LRRC3B: variants seen among roughly 807,000 people sequenced by gnomAD.
LRRC3B encodes the protein leucine rich repeat containing 3B.
A neutral mutation model predicts 12.8 loss-of-function variants in LRRC3B; 2 were observed. The observed-to-expected ratio is 0.16, with a 90% CI of 0.06 to 0.49. LRRC3B has a LOEUF of 0.49. LRRC3B is among the 20% of genes least tolerant of loss of function. LRRC3B has a pLI of 0.96. For missense variants in LRRC3B, 189 were observed against 319.4 expected, an observed-to-expected ratio of 0.59 and a Z score of 3.11; for synonymous variants, 132 against 122.0, an observed-to-expected ratio of 1.08 and a Z score of -0.54.
chr3:26,634,922 G>A (rs552358217), intron 1 of LRRC3B, among the ~76,000 whole-genome samples: 47 of 152,290 alleles, frequency 3.1e-4, no homozygotes, highest in African/African-American at 1.1e-3. Flanking sequence ...ATTATAATAC[G>A]TTGAATGTTG....
chr3:26,626,593 G>GT (rs1272773552), intron 1 of LRRC3B, among the ~76,000 whole-genome samples: 5 of 152,146 alleles, frequency 3.3e-5, no homozygotes, highest in South Asian at 2.1e-4. Context: ...CACTCCTGCT[G>GT]TTTTTTTAAC....
chr3:26,652,878 A>T (rs1437774976), intron 1 of LRRC3B, among the ~76,000 whole-genome samples: 1 of 152,148 alleles, frequency 6.6e-6, no homozygotes, highest in African/African-American at 2.4e-5. Flanking sequence ...TTCATTCTGC[A>T]TTCTTCCCTT....
chr3:26,671,350 G>GTATATATATATATATATATATA (rs1161960755), intron 1 of LRRC3B, among the ~76,000 whole-genome samples: 2 of 56,756 alleles, frequency 3.5e-5, no homozygotes, highest in African/African-American at 1.7e-4. Context: ...ATATATGTGT[G>GTATATATATATATATATATATA]TATATATATA....
chr3:26,639,811 T>C (rs1349791432), intron 1 of LRRC3B, among the ~76,000 whole-genome samples: 1 of 152,180 alleles, frequency 6.6e-6, no homozygotes, highest in African/African-American at 2.4e-5. Context: ...CTAATATTTT[T>C]CCAAAAATCT....
chr3:26,693,631 G>A (rs141316682), intron 1 of LRRC3B, among the ~76,000 whole-genome samples: 2 of 152,162 alleles, frequency 1.3e-5, no homozygotes, highest in Non-Finnish European at 2.9e-5. Context: ...AGATGAAAAC[G>A]TTGAGGTCCA....
intron 1 of LRRC3B, among the ~76,000 whole-genome samples, chr3:26,669,314 C>T (rs1699672430): frequency 6.6e-6 from 1 of 152,108 alleles, no homozygotes. Flanking sequence ...GCTTCTAGAA[C>T]AATTCCTTCT....
intron 1 of LRRC3B, among the ~76,000 whole-genome samples, chr3:26,634,103 A>G (rs778186974): frequency 9.2e-5 from 14 of 152,190 alleles, no homozygotes; most frequent in Non-Finnish European, 1.8e-4. Flanking sequence ...TAAGCTCTGC[A>G]ATTGAAATTT....
At chr3:26,636,908 C>A (rs1369749216) in intron 1 of LRRC3B, among the ~76,000 whole-genome samples, 5 of 105,392 alleles carry the variant, frequency 4.7e-5, no homozygotes, top group Admixed American at 1.0e-4. Context: ...CTCTCTTTCT[C>A]TCTTTCTCTC....
rs1444587346 is a variant in LRRC3B, at chr3:26,698,988, C to T, written c.-160-10525C>T. On this transcript the variant is annotated intron_variant, in intron 1 of 1. Transcript: ENST00000396641. Reference sequence around the variant, plus strand: ...TGCGTTGTTTTCAGTTGTGACATCTCTTTTCTTTATCTAGAACAGTTCTAA... The same window carrying T: ...TGCGTTGTTTTCAGTTGTGACATCTTTTTTCTTTATCTAGAACAGTTCTAA... Among the ~76,000 whole-genome samples the T allele has an allele frequency of 3.3e-5, 5 of 152,152 alleles. No homozygotes were observed. In the East Asian group the frequency reaches 9.7e-4, roughly 29 times the overall value.
chr3:26,659,959 T>A (rs913690008), intron 1 of LRRC3B, among the ~76,000 whole-genome samples: 4 of 152,210 alleles, frequency 2.6e-5, no homozygotes, highest in African/African-American at 9.6e-5. Context: ...ATGTAGCCCA[T>A]AATTTTTCTT....
rs529066996 is a variant in LRRC3B, at chr3:26,646,598, T to TAA, written c.-161+23398_-161+23399dup. 1.9e-3 allele frequency among the ~76,000 whole-genome samples: 189 copies of TAA among 99,628 alleles called. 13 individuals are homozygous for TAA. The highest frequency in any genetic ancestry group is 2.6e-3 in the Non-Finnish European group (124 of 48,170). 65.4% of individuals were successfully genotyped at this position (99,628 alleles called of 152,430 possible). A position where few individuals can be genotyped will look rare whatever the true frequency, so the allele number is the denominator to read the frequency against. ...CCCAGAGGCCACTAAGGATAGGAGG[T>TAA]AAAAAAAAAAAAAAAAAAAAAAAAA... On this transcript the variant is annotated intron_variant, in intron 1 of 1. Transcript: ENST00000396641.
At position 26,659,694 on chromosome 3, in the gene LRRC3B, A is replaced by C. The variant is rs375286972; in HGVS notation, c.-161+36457A>C. ...ACACATGAAAAACAATACAAAAAAA[A>C]CCCTCTCTTCTTGGATTTGCTTTGT... On this transcript the variant is annotated intron_variant, in intron 1 of 1. Transcript: ENST00000396641. Among the ~76,000 whole-genome samples, 100 of 152,164 alleles carry C rather than the reference A, an allele frequency of 6.6e-4. 2 individuals are homozygous for C. Among genetic ancestry groups the C allele is most frequent in the Admixed American group, 4.1e-3 (62 of 15,276 alleles).
In LRRC3B at chr3:26,640,782, A is replaced by G. The variant is rs558846320; in HGVS notation, c.-161+17545A>G. Among the ~76,000 whole-genome samples the G allele has an allele frequency of 1.1e-4, 16 of 152,236 alleles. No individual in the cohort carries two copies. The South Asian group carries it at 3.3e-3, about 32-fold the overall frequency. On this transcript the variant is annotated intron_variant, in intron 1 of 1. Transcript: ENST00000396641. Reference sequence around the variant, plus strand: ...GGTGTAGGAAGGACATGGAGAGCACAAGAGTCATATCCATTGGACTGTGAG... The same window carrying G: ...GGTGTAGGAAGGACATGGAGAGCACGAGAGTCATATCCATTGGACTGTGAG...
At chr3:26,701,645 G>A (rs936057553) in intron 1 of LRRC3B, among the ~76,000 whole-genome samples, 2 of 151,756 alleles carry the variant, frequency 1.3e-5, no homozygotes, top group African/African-American at 2.4e-5. Flanking sequence ...CCCCAACATC[G>A]AAACATCACC....
At chr3:26,657,393 T>C (rs1699393958) in intron 1 of LRRC3B, among the ~76,000 whole-genome samples, 1 of 152,234 alleles carries the variant, frequency 6.6e-6, no homozygotes, top group African/African-American at 2.4e-5. Flanking sequence ...ATATTCAATT[T>C]CAAAATTTAC....
At chr3:26,642,693 T>G (rs1039212718) in intron 1 of LRRC3B, among the ~76,000 whole-genome samples, 1 of 152,076 alleles carries the variant, frequency 6.6e-6, no homozygotes, top group African/African-American at 2.4e-5. Context: ...GACTGGACTT[T>G]AAGAATATCA....
rs151250919 is a variant in LRRC3B at position 26,690,777 on chromosome 3, G to C, written c.-160-18736G>C. Among the ~76,000 whole-genome samples the C allele has an allele frequency of 7.4e-3, 1,124 of 152,054 alleles. 15 individuals are homozygous for C. Among genetic ancestry groups the C allele is most frequent in the African/African-American group, 0.025 (1,020 of 41,488 alleles). ...GATAAACTATTCATGTGATAACAGA[G>C]AGGCAAGAACATTTCTGGACCATAT... On this transcript the variant is annotated intron_variant, in intron 1 of 1. Transcript: ENST00000396641.
intron 1 of LRRC3B, among the ~76,000 whole-genome samples, chr3:26,664,778 G>A (rs765709722): frequency 3.9e-5 from 6 of 151,980 alleles, no homozygotes; most frequent in Non-Finnish European, 5.9e-5. Flanking sequence ...GGCAGCTCTC[G>A]CATCTATCAG....
intron 1 of LRRC3B, among the ~76,000 whole-genome samples, chr3:26,689,029 G>T (rs986183994): frequency 1.4e-4 from 22 of 152,164 alleles, no homozygotes; most frequent in Non-Finnish European, 8.8e-5. Flanking sequence ...TAGGATGAGT[G>T]CCACTTTCCA....
Sources: allele counts gnomAD v4.1 joint callset (sites outside exome capture counted in the v4.1 genomes callset), GRCh38; gene constraint gnomAD v4.1.1; transcripts MANE v1.5; gene names NCBI Gene and HGNC (gene_info 2026-07-23, HGNC 2026-07-21).